Variants in PCSK4 observed in about 807,000 individuals in gnomAD.
PCSK4 encodes the protein testicular tissue protein Li 135.
In PCSK4, 64 loss-of-function variants were observed where a neutral mutation model predicts 80.3. The observed-to-expected ratio is 0.80, with a 90% CI of 0.65 to 0.98. The LOEUF (loss-of-function observed/expected upper bound fraction) is 0.98, where lower values mean the gene tolerates loss of function less well. PCSK4 is among the 50% of genes least tolerant of loss of function. PCSK4 has a pLI of 0.00. For synonymous variants in PCSK4, 561 were observed against 487.6 expected, an observed-to-expected ratio of 1.15 and a Z score of -1.98; for missense variants, 1,213 against 1,093.6, an observed-to-expected ratio of 1.11 and a Z score of -1.54.
chr19:1,489,870 G>A (rs1410015636), exon 2 of PCSK4: 1 of 1,610,200 alleles, frequency 6.2e-7, no homozygotes. Flanking sequence ...CGGTGCCGCA[G>A]GTGAAAGTAC....
chr19:1,490,510 A>G, upstream of PCSK4: 3 of 517,590 alleles, frequency 5.8e-6, no homozygotes, highest in East Asian at 6.8e-5. Flanking sequence ...AAGATCTAAC[A>G]GAAGCGGGAG....
At chr19:1,490,196 G>A (rs752921307) in exon 1 of PCSK4, 16 of 1,613,422 alleles carry the variant, frequency 9.9e-6, no homozygotes, top group Non-Finnish European at 1.3e-5. Context: ...CGTGCCAGGC[G>A]CTCGACCTCC....
exon 15 of PCSK4, chr19:1,482,024 G>A (rs1485834389): frequency 3.2e-6 from 5 of 1,574,776 alleles, no homozygotes; most frequent in African/African-American, 1.3e-5. Context: ...GGGACAGGAG[G>A]TGCAGTCCCT....
chr19:1,482,408 G>T (rs200245010), exon 14 of PCSK4: 1 of 1,604,298 alleles, frequency 6.2e-7, no homozygotes, highest in Non-Finnish European at 8.5e-7. Context: ...TCACCTGGGG[G>T]CCTGTAGGCC....
At chr19:1,488,417 G>A in intron 2 of PCSK4, 137 bp from the exon 3 acceptor site, 1 of 654,034 alleles carries the variant, frequency 1.5e-6, no homozygotes. Flanking sequence ...TGTGCCTGGG[G>A]CTCTGTCTGC....
chr19:1,486,336 G>A (rs1471494955), intron 8 of PCSK4, among the ~76,000 whole-genome samples: 1 of 150,398 alleles, frequency 6.6e-6, no homozygotes, highest in Non-Finnish European at 1.5e-5. Context: ...TCACTCTGTC[G>A]CCCAGGCTGG....
chr19:1,483,451 C>T, exon 12 of PCSK4: 2 of 1,560,900 alleles, frequency 1.3e-6, no homozygotes, highest in South Asian at 2.2e-5. Context: ...TGTAGATCAG[C>T]GGCAGGATGG....
At chr19:1,487,020 C>T (rs781082861) in exon 8 of PCSK4, 12 of 1,608,556 alleles carry the variant, frequency 7.5e-6, no homozygotes, top group Admixed American at 3.3e-5. Flanking sequence ...TGCAGGCCGC[C>T]GTTGCCCGAG....
At chr19:1,487,353 G>C in intron 6 of PCSK4, 40 bp from the exon 7 acceptor site, 1 of 1,489,244 alleles carries the variant, frequency 6.7e-7, no homozygotes, top group Non-Finnish European at 9.1e-7. Flanking sequence ...CACCGGCCCT[G>C]CCCTTCCCCA....
chr19:1,484,257 G>T lies in PCSK4; in HGVS notation c.1069-130C>A, dbSNP rs572795092. On this transcript the variant is annotated intron_variant, in intron 8 of 14. Transcript: ENST00000300954. ...CATCCCAGCACTTTGGGAGGCTGAG[G>T]CGGGCGTGTTGTCTGAGGTCAGGAG... The T allele has an allele frequency of 1.2e-4, 70 of 587,760 alleles. 1 individual carries two copies. The South Asian group carries it at 1.2e-3, about 10-fold the overall frequency. 36.4% of individuals were successfully genotyped at this position (587,760 alleles called of 1,614,324 possible). A position where few individuals can be genotyped will look rare whatever the true frequency, so the allele number is the denominator to read the frequency against.
intron 8 of PCSK4, among the ~76,000 whole-genome samples, chr19:1,485,961 TTTTTGTTTTG>T (rs75510508): frequency 8.6e-5 from 13 of 150,560 alleles, no homozygotes; most frequent in East Asian, 2.0e-4. Flanking sequence ...GCTGGATTTG[TTTTTGTTTTG>T]TTTTGTTTTG....
At chr19:1,486,121 C>T (rs953173626) in intron 8 of PCSK4, among the ~76,000 whole-genome samples, 18 of 151,470 alleles carry the variant, frequency 1.2e-4, no homozygotes, top group Admixed American at 9.2e-4. Flanking sequence ...TACAGGCGCC[C>T]GCCACCATGC....
In PCSK4 at chr19:1,489,826, C is replaced by T; in HGVS notation, c.261G>A (p.Trp87Ter). The T allele has an allele frequency of 6.2e-7, 1 of 1,610,378 alleles. No individual in the cohort carries two copies. The highest frequency in any genetic ancestry group is 1.1e-5 in the South Asian group (1 of 90,506). The change falls in exon 2 of 15, where the codon TGG becomes TGA. Residue 87 changes from tryptophan (W) to a stop codon, truncating the protein, a stop_gained. Coordinates refer to ENST00000300954, the Ensembl canonical transcript of PCSK4. LOFTEE classifies it high-confidence loss of function. Reference sequence around the variant, plus strand: ...TTTTCTTCAGGTGCAGGCGGTGGCCCCAGTGCGGGGTCAGGGACTGCTGGA... The same window carrying T: ...TTTTCTTCAGGTGCAGGCGGTGGCCTCAGTGCGGGGTCAGGGACTGCTGGA...
intron 2 of PCSK4, among the ~76,000 whole-genome samples, chr19:1,488,503 C>T (rs2084762458): frequency 6.6e-6 from 1 of 152,144 alleles, no homozygotes; most frequent in African/African-American, 2.4e-5. Context: ...CGGGTGACTG[C>T]AGGTCCCCGG....
In PCSK4 at chr19:1,483,310, GC is replaced by G; in HGVS notation, c.1544del (p.Gly515AlafsTer42). On this transcript the variant is annotated frameshift_variant, in exon 12 of 15. Coordinates refer to ENST00000300954, the Ensembl canonical transcript of PCSK4. LOFTEE classifies it high-confidence loss of function. ...GTATGGCCACGAGTGTGGAGCGCGT[GC>G]CCATGGGGCTGGTGAGCGAGATCTC... 6.2e-7 allele frequency: 1 copy of G among 1,606,840 alleles called. No homozygotes were observed. The highest frequency in any genetic ancestry group is 8.5e-7 in the Non-Finnish European group (1 of 1,177,352).
chr19:1,484,420 G>A (rs1384311303), intron 8 of PCSK4, among the ~76,000 whole-genome samples: 1 of 152,168 alleles, frequency 6.6e-6, no homozygotes, highest in Non-Finnish European at 1.5e-5. Flanking sequence ...CCGACAGGCA[G>A]AGGTTGCAGT....
chr19:1,485,744 A>G (rs1452082786), intron 8 of PCSK4, among the ~76,000 whole-genome samples: 1 of 150,074 alleles, frequency 6.7e-6, no homozygotes, highest in Non-Finnish European at 1.5e-5. Context: ...GGTGGCGGGC[A>G]CCTGTAGTCC....
exon 1 of PCSK4, chr19:1,490,273 C>T (rs1161268066): frequency 6.2e-7 from 1 of 1,602,486 alleles, no homozygotes; most frequent in East Asian, 2.3e-5. Context: ...CGGGGCCCAC[C>T]CCACAGCCCG....
At chr19:1,488,020 C>T (rs766746345) in exon 4 of PCSK4, 1 of 1,613,540 alleles carries the variant, frequency 6.2e-7, no homozygotes. Flanking sequence ...AGCACAGAGA[C>T]CACGATGCCC....
Sources: gnomAD v4.1 joint callset for allele counts (sites outside exome capture counted in the v4.1 genomes callset) on GRCh38, gnomAD v4.1.1 for gene constraint, MANE v1.5 for transcripts, NCBI Gene and HGNC (gene_info 2026-07-23, HGNC 2026-07-21) for gene names.